The following ST6GALNAC3 variants were observed in gnomAD, a reference collection of about 807,000 sequenced individuals.
ST6GALNAC3 encodes the protein alpha-N-acetylgalactosaminide alpha-2,6-sialyltransferase 3.
In ST6GALNAC3, 25 loss-of-function variants were observed where a neutral mutation model predicts 32.7. The ratio of observed to expected loss-of-function variants is 0.76; its 90% confidence interval spans 0.56 to 1.07. ST6GALNAC3 has a LOEUF of 1.07. Ranked by LOEUF, ST6GALNAC3 falls within the 50% of genes least tolerant of loss-of-function variation. ST6GALNAC3 has a pLI of 0.00. For synonymous variants in ST6GALNAC3, 129 were observed against 133.1 expected, an observed-to-expected ratio of 0.97 and a Z score of 0.21; for missense variants, 355 against 382.4, an observed-to-expected ratio of 0.93 and a Z score of 0.60.
At chr1:76,220,368 A>G (rs933357731) in intron 1 of ST6GALNAC3, among the ~76,000 whole-genome samples, 22 of 152,196 alleles carry the variant, frequency 1.4e-4, no homozygotes, top group African/African-American at 3.9e-4. Context: ...CTTTTTTAAA[A>G]CAAGCATTTT....
intron 3 of ST6GALNAC3, among the ~76,000 whole-genome samples, chr1:76,504,633 A>C (rs1661364832): frequency 1.3e-5 from 2 of 152,156 alleles, no homozygotes; most frequent in Admixed American, 1.3e-4. Context: ...GCTTGTGTTA[A>C]ATGGTAAGAC....
chr1:76,548,800 A>T (rs953403282), intron 3 of ST6GALNAC3, among the ~76,000 whole-genome samples: 3 of 152,074 alleles, frequency 2.0e-5, no homozygotes, highest in Non-Finnish European at 4.4e-5. Context: ...ACCCTCAGTC[A>T]TGGTTCCATA....
At chr1:76,105,947 G>A (rs1647498506) in intron 1 of ST6GALNAC3, among the ~76,000 whole-genome samples, 2 of 152,102 alleles carry the variant, frequency 1.3e-5, no homozygotes, top group Non-Finnish European at 2.9e-5. Context: ...AGAATTGTCA[G>A]GTAACATGGA....
chr1:76,601,921 G>A (rs1160439999), intron 3 of ST6GALNAC3, among the ~76,000 whole-genome samples: 1 of 152,114 alleles, frequency 6.6e-6, no homozygotes, highest in African/African-American at 2.4e-5. Context: ...TCCAATACTG[G>A]GTCCTGGATG....
chr1:76,288,645 A>T (rs891369433), intron 1 of ST6GALNAC3, among the ~76,000 whole-genome samples: 3 of 152,314 alleles, frequency 2.0e-5, no homozygotes, highest in Admixed American at 2.0e-4. Flanking sequence ...TGGGTCTCCA[A>T]GAAGAGGGCA....
chr1:76,445,866 G>T (rs1656931757), intron 3 of ST6GALNAC3, among the ~76,000 whole-genome samples: 1 of 152,022 alleles, frequency 6.6e-6, no homozygotes, highest in Non-Finnish European at 1.5e-5. Context: ...ATCACTTCTT[G>T]GTCCTTTAGC....
chr1:76,271,793 C>G (rs146230915), intron 1 of ST6GALNAC3, among the ~76,000 whole-genome samples: 155 of 152,272 alleles, frequency 1.0e-3, no homozygotes, highest in African/African-American at 3.6e-3. Flanking sequence ...TGCAAAAGTC[C>G]TTGCAGGCAG....
At chr1:76,322,398 T>A (rs1242350391) in intron 2 of ST6GALNAC3, among the ~76,000 whole-genome samples, 2 of 151,986 alleles carry the variant, frequency 1.3e-5, no homozygotes, top group African/African-American at 4.8e-5. Flanking sequence ...AAAATTGGGG[T>A]TCACCAAAGA....
intron 3 of ST6GALNAC3, among the ~76,000 whole-genome samples, chr1:76,441,561 T>C (rs1481521284): frequency 1.3e-5 from 2 of 152,218 alleles, no homozygotes; most frequent in East Asian, 3.8e-4. Context: ...CAATGTAACG[T>C]AATTACAGCA....
chr1:76,476,853 C>T (rs1229696859), intron 3 of ST6GALNAC3, among the ~76,000 whole-genome samples: 1 of 152,180 alleles, frequency 6.6e-6, no homozygotes, highest in Non-Finnish European at 1.5e-5. Flanking sequence ...GCTTGAATAG[C>T]CCTTCATGAG....
chr1:76,585,010 G>A (rs1430963414), intron 3 of ST6GALNAC3, among the ~76,000 whole-genome samples: 1 of 152,118 alleles, frequency 6.6e-6, no homozygotes. Flanking sequence ...TGATAAAGCA[G>A]TACTAGCAAG....
chr1:76,074,751 T>C lies in ST6GALNAC3; in HGVS notation c.-116T>C. The stretch of plus-strand genomic sequence containing the variant: ...ACACCGCGGTCCCCTTATTTGGATC[T>C]GCGGGAATGTGGGCTGGAGAGGTCC... On this transcript the variant is annotated 5_prime_UTR_variant, in exon 1 of 5. Coordinates refer to ENST00000328299, the MANE Select transcript of ST6GALNAC3 (RefSeq NM_152996.4). The C allele has an allele frequency of 3.4e-6, 4 of 1,160,142 alleles. No homozygotes were observed. Among genetic ancestry groups the C allele is most frequent in the Non-Finnish European group, 4.8e-6 (4 of 831,642 alleles). The allele number at this position is 1,160,142 out of a possible 1,614,324, so 71.9% of individuals were successfully genotyped here. A position where few individuals can be genotyped will look rare whatever the true frequency, so the allele number is the denominator to read the frequency against.
At chr1:76,507,133 T>C (rs1661526602) in intron 3 of ST6GALNAC3, among the ~76,000 whole-genome samples, 1 of 152,128 alleles carries the variant, frequency 6.6e-6, no homozygotes, top group Non-Finnish European at 1.5e-5. Context: ...GTCCTAAGTA[T>C]AAGGTAGGTG....
At chr1:76,403,808 A>G (rs905452156) in intron 2 of ST6GALNAC3, among the ~76,000 whole-genome samples, 1 of 152,100 alleles carries the variant, frequency 6.6e-6, no homozygotes, top group Non-Finnish European at 1.5e-5. Flanking sequence ...AAAATAATCA[A>G]GAGGTAAGTT....
At chr1:76,153,886 C>T (rs1433095114) in intron 1 of ST6GALNAC3, among the ~76,000 whole-genome samples, 8 of 152,086 alleles carry the variant, frequency 5.3e-5, no homozygotes, top group Non-Finnish European at 7.3e-5. Context: ...TCCAAACGGG[C>T]GCCCCTCAGC....
chr1:76,559,852 G>T (rs1665144290), intron 3 of ST6GALNAC3, among the ~76,000 whole-genome samples: 1 of 152,100 alleles, frequency 6.6e-6, no homozygotes, highest in African/African-American at 2.4e-5. Flanking sequence ...ACTGTGTGCT[G>T]GCAAGAGGGA....
At position 76,559,395 on chromosome 1, in the gene ST6GALNAC3, A is replaced by T. The variant is rs74636205; in HGVS notation, c.624-68057A>T. Among the ~76,000 whole-genome samples, 220 of 152,348 alleles carry T rather than the reference A, an allele frequency of 1.4e-3. 1 individual carries two copies. Among genetic ancestry groups the T allele is most frequent in the African/African-American group, 5.1e-3 (211 of 41,578 alleles). ...ATTAACAAAGTAAATTATAGACTTA[A>T]ATGGAGGATATAAAACTCCTGCAGG... On this transcript the variant is annotated intron_variant, in intron 3 of 4. Coordinates refer to ENST00000328299, the MANE Select transcript of ST6GALNAC3 (RefSeq NM_152996.4).
intron 3 of ST6GALNAC3, among the ~76,000 whole-genome samples, chr1:76,537,080 A>T (rs1361565649): frequency 6.6e-6 from 1 of 152,154 alleles, no homozygotes; most frequent in Admixed American, 6.5e-5. Context: ...TCAACCACAT[A>T]ATTGGAAGTA....
intron 3 of ST6GALNAC3, among the ~76,000 whole-genome samples, chr1:76,416,682 C>CAGTG (rs1654657145): frequency 7.7e-6 from 1 of 130,168 alleles, no homozygotes; most frequent in South Asian, 2.6e-4. Flanking sequence ...GGCTGGAGTG[C>CAGTG]AGTGGCATGA....
Sources: allele counts gnomAD v4.1 joint callset (sites outside exome capture counted in the v4.1 genomes callset), GRCh38; gene constraint gnomAD v4.1.1; transcripts MANE v1.5; gene names NCBI Gene and HGNC (gene_info 2026-07-23, HGNC 2026-07-21).